The following UNC13C variants were observed in gnomAD, a reference collection of about 807,000 sequenced individuals.
The protein encoded by UNC13C is protein unc-13 homolog C.
In UNC13C, 174 loss-of-function variants were observed where a neutral mutation model predicts 245.4. That is an observed-to-expected ratio of 0.71 (90% confidence interval 0.63 to 0.80). The LOEUF is 0.80. Ranked by LOEUF, UNC13C falls within the 30% of genes least tolerant of loss-of-function variation. The probability of loss-of-function intolerance (pLI) is 0.00; values close to 1 mark genes in which losing one functional copy is unlikely to be tolerated. For synonymous variants in UNC13C, 992 were observed against 895.1 expected (o/e 1.11, Z -1.93); for missense variants, 2,829 against 2,602.9 (o/e 1.09, Z -1.89).
chr15:54,101,950 T>C (rs972616244), intron 2 of UNC13C, among the ~76,000 whole-genome samples: 1 of 151,582 alleles, frequency 6.6e-6, no homozygotes, highest in Non-Finnish European at 1.5e-5. Context: ...AACACTGGCA[T>C]GTGAATCAGT....
intron 19 of UNC13C, among the ~76,000 whole-genome samples, chr15:54,427,070 T>C (rs1416113944): frequency 1.3e-5 from 2 of 151,938 alleles, no homozygotes; most frequent in East Asian, 3.9e-4. Flanking sequence ...ACTCTTAGAA[T>C]ATATAAAGCA....
At chr15:54,491,901 A>C (rs948187326) in intron 19 of UNC13C, among the ~76,000 whole-genome samples, 2 of 151,828 alleles carry the variant, frequency 1.3e-5, no homozygotes, top group South Asian at 4.2e-4. Flanking sequence ...CTGAGGCAGG[A>C]GAATGGTGTC....
chr15:54,427,821 G>A (rs1312152700), intron 19 of UNC13C, among the ~76,000 whole-genome samples: 2 of 151,666 alleles, frequency 1.3e-5, no homozygotes, highest in Non-Finnish European at 3.0e-5. Context: ...GAGGGGAAAT[G>A]TTCATGGATT....
intron 19 of UNC13C, among the ~76,000 whole-genome samples, chr15:54,491,825 C>G (rs913816435): frequency 2.6e-5 from 4 of 151,982 alleles, no homozygotes; most frequent in Admixed American, 1.3e-4. Context: ...CCCGTCTCTA[C>G]TAAAAATACA....
intron 2 of UNC13C, among the ~76,000 whole-genome samples, chr15:54,125,853 A>G (rs1218979402): frequency 6.6e-6 from 1 of 152,120 alleles, no homozygotes; most frequent in Non-Finnish European, 1.5e-5. Context: ...CACAGATACT[A>G]TTGCTTTATT....
chr15:53,853,601 A>G, the UNC13C span, among the ~76,000 whole-genome samples: 2 of 152,002 alleles, frequency 1.3e-5, no homozygotes, highest in Non-Finnish European at 2.9e-5. Context: ...ACTAATTTAT[A>G]CTCCCACCAA....
chr15:54,574,088 A>AT (rs910790849), intron 30 of UNC13C, among the ~76,000 whole-genome samples: 19 of 152,144 alleles, frequency 1.2e-4, no homozygotes, highest in African/African-American at 4.3e-4. Context: ...AAGAAACATA[A>AT]TTTTTTTTAA....
intron 28 of UNC13C, among the ~76,000 whole-genome samples, chr15:54,553,565 T>C (rs1896962273): frequency 6.8e-6 from 1 of 148,074 alleles, no homozygotes; most frequent in African/African-American, 2.5e-5. Context: ...TCAGATTTAT[T>C]TGACATAAAA....
intron 19 of UNC13C, among the ~76,000 whole-genome samples, chr15:54,449,049 G>C (rs1020979328): frequency 2.0e-5 from 3 of 152,134 alleles, no homozygotes; most frequent in Non-Finnish European, 2.9e-5. Context: ...AGTTTGGCTG[G>C]ATATGAAATT....
At chr15:54,515,176 T>C (rs1187036577) in intron 24 of UNC13C, among the ~76,000 whole-genome samples, 1 of 152,134 alleles carries the variant, frequency 6.6e-6, no homozygotes, top group African/African-American at 2.4e-5. Flanking sequence ...GGTGATTTTT[T>C]ATGTGGATAC....
intron 2 of UNC13C, among the ~76,000 whole-genome samples, chr15:54,122,124 T>C (rs1197368367): frequency 6.6e-6 from 1 of 151,694 alleles, no homozygotes; most frequent in Non-Finnish European, 1.5e-5. Context: ...GCAATCTTGT[T>C]CCATTTTTTT....
chr15:54,062,464 T>A (rs1022916653), intron 2 of UNC13C, among the ~76,000 whole-genome samples: 5 of 152,130 alleles, frequency 3.3e-5, no homozygotes, highest in Non-Finnish European at 7.3e-5. Flanking sequence ...CTCTCTCAAT[T>A]CCATTTTTCT....
chr15:54,536,782 G>A (rs144636393), intron 26 of UNC13C, among the ~76,000 whole-genome samples: 188 of 151,686 alleles, frequency 1.2e-3, no homozygotes, highest in Middle Eastern at 3.4e-3. Flanking sequence ...ATTCAACATC[G>A]CCTCATGTTA....
chr15:54,212,270 A>G (rs1169858240), intron 4 of UNC13C, among the ~76,000 whole-genome samples: 1 of 152,094 alleles, frequency 6.6e-6, no homozygotes, highest in African/African-American at 2.4e-5. Flanking sequence ...TGTTATGGAC[A>G]AACACCAAGC....
chr15:54,615,315 C>G (rs1900359062), intron 30 of UNC13C, among the ~76,000 whole-genome samples: 1 of 152,048 alleles, frequency 6.6e-6, no homozygotes, highest in Non-Finnish European at 1.5e-5. Context: ...TTCTTAACTT[C>G]CTTTGGTTAC....
chr15:54,562,141 A>G (rs1232398865), intron 29 of UNC13C, among the ~76,000 whole-genome samples: 11 of 152,100 alleles, frequency 7.2e-5, no homozygotes, highest in South Asian at 2.1e-4. Flanking sequence ...TTAAAACCCA[A>G]TGCTGAGTTC....
intron 30 of UNC13C, among the ~76,000 whole-genome samples, chr15:54,599,683 T>C (rs1447417801): frequency 1.3e-5 from 2 of 152,062 alleles, no homozygotes; most frequent in East Asian, 3.9e-4. Flanking sequence ...GGAATTTCCT[T>C]TAAGTAGCCT....
chr15:54,435,629 T>G (rs1396010332), intron 19 of UNC13C, among the ~76,000 whole-genome samples: 4 of 151,558 alleles, frequency 2.6e-5, no homozygotes, highest in African/African-American at 9.7e-5. Flanking sequence ...AAATACCTAA[T>G]GTAGATGATG....
At chr15:54,393,691 C>A (rs2040011373) in intron 18 of UNC13C, among the ~76,000 whole-genome samples, 1 of 151,836 alleles carries the variant, frequency 6.6e-6, no homozygotes, top group Admixed American at 6.6e-5. Flanking sequence ...TAAGACATGG[C>A]AGATGAATTA....
Sources: allele counts gnomAD v4.1 joint callset (sites outside exome capture counted in the v4.1 genomes callset), GRCh38; gene constraint gnomAD v4.1.1; transcripts MANE v1.5; gene names NCBI Gene and HGNC (gene_info 2026-07-23, HGNC 2026-07-21).